CIP2A: variants seen among roughly 807,000 people sequenced by gnomAD.
CIP2A encodes the protein cellular inhibitor of PP2A.
A neutral mutation model predicts 110.9 loss-of-function variants in CIP2A; 103 were observed. The ratio of observed to expected loss-of-function variants is 0.93; its 90% confidence interval spans 0.79 to 1.09. The LOEUF is 1.09. Among genes scored for constraint, CIP2A ranks in the 50% least tolerant of loss-of-function variants. CIP2A has a pLI of 0.00. For synonymous variants in CIP2A, 381 were observed against 361.6 expected, an observed-to-expected ratio of 1.05 and a Z score of -0.61; for missense variants, 1,088 against 1,038.4, an observed-to-expected ratio of 1.05 and a Z score of -0.66.
chr3:108,585,905 T>TACACACAC (rs112253293), intron 1 of CIP2A: 10 of 378,764 alleles, frequency 2.6e-5, no homozygotes, highest in African/African-American at 1.9e-4. Flanking sequence ...GACACATACA[T>TACACACAC]ACACACACAC....
chr3:108,560,036 T>G lies in CIP2A; in HGVS notation c.1828-8A>C. 1.3e-6 allele frequency: 2 copies of G among 1,538,862 alleles called. No individual in the cohort carries two copies. The highest frequency in any genetic ancestry group is 2.3e-5 in the East Asian group (1 of 44,218). Reference sequence around the variant, plus strand: ...ACAAATCTGATCCTTTACCTACATTTTAAGAGTAAAAAAACTTAAAATTTT... The same window carrying G: ...ACAAATCTGATCCTTTACCTACATTGTAAGAGTAAAAAAACTTAAAATTTT... On this transcript the variant is annotated splice_region_variant and splice_polypyrimidine_tract_variant and intron_variant, in intron 14 of 20. Transcript: ENST00000295746.
chr3:108,558,253 AAAAG>A (rs970427083), intron 16 of CIP2A, among the ~76,000 whole-genome samples: 86 of 152,154 alleles, frequency 5.7e-4, no homozygotes, highest in Non-Finnish European at 1.3e-4. Flanking sequence ...AAATAAGCAA[AAAAG>A]AAAGAAATAT....
rs200275790 is a variant in CIP2A at position 108,566,451 on chromosome 3, A to AT, written c.1415+45dup. ...AGGATGAGAATCACCACATCTTTCGATTTTTTACTGCCTTGCCATTTTGTC... is the reference window on the plus strand; with the variant it reads ...AGGATGAGAATCACCACATCTTTCGATTTTTTTACTGCCTTGCCATTTTGTC... On this transcript the variant is annotated intron_variant, in intron 11 of 20. Coordinates refer to ENST00000295746, the MANE Select transcript of CIP2A (RefSeq NM_020890.3). 1.3e-3 allele frequency: 2,021 copies of AT among 1,538,188 alleles called. 15 individuals are homozygous for AT. In the African/African-American group the frequency reaches 0.025, roughly 19 times the overall value.
In CIP2A at chr3:108,585,324, T is replaced by A. The variant is rs183582462; in HGVS notation, c.103-112A>T. Reference sequence around the variant, plus strand: ...AAGTGCCACTGCTACCTTCCCAATTTAAAAAATTCACACATGCTGTGAAAA... The same window carrying A: ...AAGTGCCACTGCTACCTTCCCAATTAAAAAAATTCACACATGCTGTGAAAA... On this transcript the variant is annotated intron_variant, in intron 1 of 20. Coordinates refer to ENST00000295746, the MANE Select transcript of CIP2A (RefSeq NM_020890.3). 175 of 975,030 alleles carry A rather than the reference T, an allele frequency of 1.8e-4. No individual in the cohort carries two copies. The African/African-American group carries it at 2.6e-3, about 15-fold the overall frequency. The allele number at this position is 975,030 out of a possible 1,614,324, so 60.4% of individuals were successfully genotyped here.
At chr3:108,552,212 G>A (rs1170190111) in intron 20 of CIP2A, 22 bp downstream of exon 20, 2 of 1,536,252 alleles carry the variant, frequency 1.3e-6, no homozygotes, top group Non-Finnish European at 1.7e-6. Flanking sequence ...TACTGCAAAT[G>A]AGAAATGGAA....
intron 2 of CIP2A, among the ~76,000 whole-genome samples, chr3:108,583,560 G>A (rs761888405): frequency 3.3e-4 from 51 of 152,244 alleles, no homozygotes; most frequent in Non-Finnish European, 7.5e-4. Context: ...TGGAAGTGGA[G>A]AATGACAGTT....
intron 5 of CIP2A, among the ~76,000 whole-genome samples, chr3:108,580,419 T>C (rs1359381122): frequency 7.3e-6 from 1 of 136,516 alleles, no homozygotes; most frequent in Non-Finnish European, 1.6e-5. Context: ...GAACTTTTTT[T>C]TCAATTCAGA....
Position 108,550,393 on chromosome 3 carries a change from T to A in CIP2A, c.*756A>T, listed in dbSNP as rs1183871499. The stretch of plus-strand genomic sequence containing the variant: ...TATGTAAATCATAAGAAACTTATAA[T>A]TAATTATAGATGATCTGGACCACTA... On this transcript the variant is annotated 3_prime_UTR_variant, in exon 21 of 21. Transcript: ENST00000295746. 6.6e-6 allele frequency: 1 copy of A among 151,434 alleles called. No homozygotes were observed. Among genetic ancestry groups the A allele is most frequent in the Non-Finnish European group, 1.5e-5 (1 of 67,672 alleles). 9.4% of individuals were successfully genotyped at this position (151,434 alleles called of 1,614,324 possible).
Position 108,575,559 on chromosome 3 carries a change from T to TAC in CIP2A, c.894+710_894+711dup, listed in dbSNP as rs1368357342. ...ATATACTCATATACATGTGTATATA[T>TAC]ACGTGTATATATACTCATATACATG... On this transcript the variant is annotated intron_variant, in intron 8 of 20. Coordinates refer to ENST00000295746, the MANE Select transcript of CIP2A (RefSeq NM_020890.3). Among the ~76,000 whole-genome samples the TAC allele has an allele frequency of 2.9e-3, 245 of 85,642 alleles. 1 individual carries two copies. The highest frequency in any genetic ancestry group is 4.9e-3 in the African/African-American group (106 of 21,596). The allele number at this position is 85,642 out of a possible 152,430, so 56.2% of individuals were successfully genotyped here.
At chr3:108,554,685 T>G (rs1937723372) in intron 17 of CIP2A, among the ~76,000 whole-genome samples, 196 bp from the exon 18 acceptor site, 1 of 152,214 alleles carries the variant, frequency 6.6e-6, no homozygotes, top group African/African-American at 2.4e-5. Context: ...TTTGGTTGAC[T>G]GATGTGGTAA....
At chr3:108,563,573 T>C (rs1484036520) in intron 12 of CIP2A, among the ~76,000 whole-genome samples, 1 of 151,992 alleles carries the variant, frequency 6.6e-6, no homozygotes, top group Non-Finnish European at 1.5e-5. Context: ...AATGTTTTTT[T>C]CCAAGCTATC....
At position 108,575,519 on chromosome 3, in the gene CIP2A, C is replaced by CACGTATATATACTCATATACATGTGT. The variant is rs1559699057; in HGVS notation, c.894+751_894+752insACACATGTATATGAGTATATATACGT. 1.1e-3 allele frequency among the ~76,000 whole-genome samples: 46 copies of CACGTATATATACTCATATACATGTGT among 41,658 alleles called. 2 individuals carry two copies. The highest frequency in any genetic ancestry group is 2.6e-3 in the African/African-American group (45 of 17,100). The allele number at this position is 41,658 out of a possible 152,430, so 27.3% of individuals were successfully genotyped here. On this transcript the variant is annotated intron_variant, in intron 8 of 20. Coordinates refer to ENST00000295746, the MANE Select transcript of CIP2A (RefSeq NM_020890.3). Reference sequence around the variant, plus strand: ...ATGTATATATGTATATATACACATACATATATACACGTATATATACTCATA... The same window carrying CACGTATATATACTCATATACATGTGT: ...ATGTATATATGTATATATACACATACACGTATATATACTCATATACATGTGTATATATACACGTATATATACTCATA...
At chr3:108,579,953 CAA>C (rs1011594790) in intron 5 of CIP2A, among the ~76,000 whole-genome samples, 5 of 151,982 alleles carry the variant, frequency 3.3e-5, no homozygotes, top group Non-Finnish European at 5.9e-5. Context: ...TAAATATTTC[CAA>C]AGTTTTGTCA....
chr3:108,560,735 T>A lies in CIP2A; in HGVS notation c.1741A>T (p.Ile581Leu). The change falls in exon 14 of 21, where the codon ATA (isoleucine) becomes TTA (leucine). Residue 581 changes from isoleucine to leucine, a missense_variant. Ile to Leu is a conservative substitution (Grantham distance 5). Transcript: ENST00000295746. ...TTCAAATGAGGAGTTAAACACTTTA[T>A]TGATGTTGGAAAACTGTGATTTGAT... Reference protein sequence around the residue: ...QSSNHSFPTSIKCLTPHLKDG... With the variant: ...QSSNHSFPTSLKCLTPHLKDG... 6.2e-7 allele frequency: 1 copy of A among 1,612,278 alleles called. No individual in the cohort carries two copies. Among genetic ancestry groups the A allele is most frequent in the Non-Finnish European group, 8.5e-7 (1 of 1,178,560 alleles).
intron 19 of CIP2A, 80 bp from the exon 20 acceptor site, chr3:108,552,453 G>C (rs531622250): frequency 1.3e-6 from 1 of 783,020 alleles, no homozygotes; most frequent in Non-Finnish European, 1.9e-6. Flanking sequence ...GCTACTGTAA[G>C]AGCAAAAGAG....
In CIP2A at chr3:108,579,694, G is replaced by GA. The variant is rs749497260; in HGVS notation, c.550-7dup. ...TAAAAAGATTTCACATTACTCTGAG[G>GA]AAAAAAAAGTTAAAAAATAAATTAG... On this transcript the variant is annotated splice_region_variant and splice_polypyrimidine_tract_variant and intron_variant, in intron 5 of 20. Transcript: ENST00000295746. 59 of 1,511,214 alleles carry GA rather than the reference G, an allele frequency of 3.9e-5. 1 individual carries two copies. The Admixed American group carries it at 4.0e-4, about 10-fold the overall frequency. The allele number at this position is 1,511,214 out of a possible 1,614,324, so 93.6% of individuals were successfully genotyped here. A position where few individuals can be genotyped will look rare whatever the true frequency, so the allele number is the denominator to read the frequency against.
intron 7 of CIP2A, among the ~76,000 whole-genome samples, chr3:108,578,771 C>T (rs1004104254): frequency 2.6e-5 from 4 of 151,506 alleles, no homozygotes; most frequent in African/African-American, 4.9e-5. Flanking sequence ...ATGAAATACA[C>T]TGAGATAGAA....
At chr3:108,551,403 CT>C in intron 20 of CIP2A, 84 bp from the exon 21 acceptor site, 2 of 979,904 alleles carry the variant, frequency 2.0e-6, no homozygotes, top group Non-Finnish European at 2.9e-6. Context: ...TTTTAAGATG[CT>C]TTTATTTTTT....
chr3:108,584,071 G>C (rs753180632), intron 2 of CIP2A, among the ~76,000 whole-genome samples: 2 of 152,150 alleles, frequency 1.3e-5, no homozygotes, highest in Non-Finnish European at 2.9e-5. Flanking sequence ...TCAAATTTTA[G>C]AATGATCTAG....
Sources: allele counts gnomAD v4.1 joint callset (sites outside exome capture counted in the v4.1 genomes callset), GRCh38; gene constraint gnomAD v4.1.1; transcripts MANE v1.5; gene names NCBI Gene and HGNC (gene_info 2026-07-23, HGNC 2026-07-21).